Variants in EFNA2 observed in about 807,000 individuals in gnomAD.
EFNA2 encodes ephrin-A2.
In EFNA2, 18 loss-of-function variants were observed where a neutral mutation model predicts 19.7. The observed-to-expected ratio is 0.91, with a 90% CI of 0.63 to 1.35. EFNA2 has a LOEUF of 1.35. EFNA2 is among the 40% of genes most tolerant of loss of function. EFNA2 has a pLI of 0.00. For missense variants in EFNA2, 303 were observed against 296.0 expected (o/e 1.02, Z -0.17); for synonymous variants, 187 against 137.8 (o/e 1.36, Z -2.50).
At chr19:1,299,384 C>T (rs908014122) in intron 3 of EFNA2, among the ~76,000 whole-genome samples, 1 of 151,984 alleles carries the variant, frequency 6.6e-6, no homozygotes, top group Non-Finnish European at 1.5e-5. Flanking sequence ...TGGTGAAACC[C>T]CGTCTCTGCT....
chr19:1,295,663 G>GAGC lies in EFNA2; in HGVS notation c.261_263dup (p.Glu87_His88insGln). ...GCCGCTGCCGCCGGCCGAGCGCATG[G>GAGC]AGCACTACGTGCTGTACATGGTCAA... On this transcript the variant is annotated inframe_insertion, in exon 2 of 4. Coordinates refer to ENST00000215368, the MANE Select transcript of EFNA2 (RefSeq NM_001405.4). The surrounding 1 kb of genome is among the most constrained non-coding windows in gnomAD (Gnocchi z 5.8). 6.2e-7 allele frequency: 1 copy of GAGC among 1,611,710 alleles called. No individual in the cohort carries two copies. The highest frequency in any genetic ancestry group is 8.5e-7 in the Non-Finnish European group (1 of 1,179,442).
chr19:1,292,424 A>C (rs2144617418), intron 1 of EFNA2, among the ~76,000 whole-genome samples: 1 of 152,346 alleles, frequency 6.6e-6, no homozygotes, highest in Admixed American at 6.5e-5. Context: ...CTCATTATTG[A>C]GCACCACTGT....
At chr19:1,298,686 G>A (rs2081527069) in intron 3 of EFNA2, 70 bp downstream of exon 3, 2 of 1,558,074 alleles carry the variant, frequency 1.3e-6, no homozygotes, top group African/African-American at 2.7e-5. Flanking sequence ...GAACCAGTGA[G>A]TGTTCAGAAG....
At chr19:1,299,766 G>GT in intron 3 of EFNA2, 58 bp from the exon 4 acceptor site, 4 of 1,537,068 alleles carry the variant, frequency 2.6e-6, no homozygotes, top group South Asian at 1.2e-5. Flanking sequence ...CGGGCGGCAC[G>GT]TGGGGAGCCC....
At chr19:1,298,707 G>A in intron 3 of EFNA2, 91 bp downstream of exon 3, 1 of 1,417,694 alleles carries the variant, frequency 7.1e-7, no homozygotes, top group South Asian at 1.2e-5. Flanking sequence ...AGCCAGGACA[G>A]GGGGCCTCGG....
At position 1,300,114 on chromosome 19, in the gene EFNA2, A is replaced by T; in HGVS notation, c.*169A>T. On this transcript the variant is annotated 3_prime_UTR_variant, in exon 4 of 4. Transcript: ENST00000215368. ...GCAGGGGCCATCCACCCGCCCCAGGACCAGCCCTCAGGGAGGGGAAACGGC... is the reference window on the plus strand; with the variant it reads ...GCAGGGGCCATCCACCCGCCCCAGGTCCAGCCCTCAGGGAGGGGAAACGGC... 1.0e-6 allele frequency: 1 copy of T among 990,026 alleles called. No homozygotes were observed. 61.3% of individuals were successfully genotyped at this position (990,026 alleles called of 1,614,324 possible).
Position 1,297,919 on chromosome 19 carries a change from A to G in EFNA2, c.455-632A>G, listed in dbSNP as rs2081523143. Among the ~76,000 whole-genome samples the G allele has an allele frequency of 6.6e-6, 1 of 151,982 alleles. No homozygotes were observed. The highest frequency in any genetic ancestry group is 1.5e-5 in the Non-Finnish European group (1 of 67,972). On this transcript the variant is annotated intron_variant, in intron 2 of 3. Transcript: ENST00000215368. The surrounding 1 kb of genome is among the most constrained non-coding windows in gnomAD (Gnocchi z 5.0). ...AAACCCCGTTTCTACTAAAAATACA[A>G]AAATTAGCCAGGCATGGTGGCACAC... is the stretch of plus-strand genomic sequence containing the variant.
rs1283950748 is a variant in EFNA2, at chr19:1,287,415, C to T, written c.140+1107C>T. Reference sequence around the variant, plus strand: ...ACTCTTCTGCTACTGGTCACTTTCTCTCCGTTTTCCAGCCGCTTCCTGTGC... The same window carrying T: ...ACTCTTCTGCTACTGGTCACTTTCTTTCCGTTTTCCAGCCGCTTCCTGTGC... On this transcript the variant is annotated intron_variant, in intron 1 of 3. Coordinates refer to ENST00000215368, the MANE Select transcript of EFNA2 (RefSeq NM_001405.4). The surrounding 1 kb of genome is among the most constrained non-coding windows in gnomAD (Gnocchi z 6.2). Among the ~76,000 whole-genome samples, 1 of 152,184 alleles carries T rather than the reference C, an allele frequency of 6.6e-6. No individual in the cohort carries two copies. The highest frequency in any genetic ancestry group is 1.5e-5 in the Non-Finnish European group (1 of 68,018).
chr19:1,290,054 A>G (rs1278819632), intron 1 of EFNA2, among the ~76,000 whole-genome samples: 1 of 151,858 alleles, frequency 6.6e-6, no homozygotes, highest in Non-Finnish European at 1.5e-5. Context: ...AGACCTGGGC[A>G]TGACGTCAGG....
intron 1 of EFNA2, among the ~76,000 whole-genome samples, chr19:1,291,969 C>A (rs1568864389): frequency 6.6e-6 from 1 of 152,134 alleles, no homozygotes; most frequent in Admixed American, 6.5e-5. Flanking sequence ...AGAGGGAACC[C>A]GGAGGAGTAA....
At position 1,287,761 on chromosome 19, in the gene EFNA2, G is replaced by A. The variant is rs2081472898; in HGVS notation, c.140+1453G>A. Among the ~76,000 whole-genome samples, 4 of 152,376 alleles carry A rather than the reference G, an allele frequency of 2.6e-5. 1 individual carries two copies. In the South Asian group the frequency reaches 8.3e-4, roughly 32 times the overall value. On this transcript the variant is annotated intron_variant, in intron 1 of 3. Transcript: ENST00000215368. This position sits in a 1 kb window ranked among gnomAD's most constrained non-coding sequence, Gnocchi z 6.2. ...TTTGATTAAGGCTGTCGCTGGCCGT[G>A]CGGGGAGTCCAGCGGGCAGCGCTTC...
In EFNA2 at chr19:1,294,217, C is replaced by T. The variant is rs1402603475; in HGVS notation, c.141-1328C>T. ...GTGCTAATAAGCCCCTCTCAGGGCC[C>T]CCCTCGTGCCCCGCTTGGTCCAGGC... On this transcript the variant is annotated intron_variant, in intron 1 of 3. Coordinates refer to ENST00000215368, the MANE Select transcript of EFNA2 (RefSeq NM_001405.4). The surrounding 1 kb of genome is among the most constrained non-coding windows in gnomAD (Gnocchi z 5.8). Among the ~76,000 whole-genome samples the T allele has an allele frequency of 6.6e-6, 1 of 152,224 alleles. No homozygotes were observed. Among genetic ancestry groups the T allele is most frequent in the African/African-American group, 2.4e-5 (1 of 41,452 alleles).
chr19:1,289,353 G>A (rs538663432), intron 1 of EFNA2, among the ~76,000 whole-genome samples: 5 of 152,372 alleles, frequency 3.3e-5, no homozygotes, highest in South Asian at 2.1e-4. Flanking sequence ...GTGTGTGTGC[G>A]TGTCTGCGTG....
rs1309540058 is a variant in EFNA2, at chr19:1,294,960, G to A, written c.141-585G>A. Among the ~76,000 whole-genome samples, 5 of 152,108 alleles carry A rather than the reference G, an allele frequency of 3.3e-5. No homozygotes were observed. In the South Asian group the frequency reaches 8.3e-4, roughly 25 times the overall value. ...GGGAATTCTTGTGGAGGGACAGCTC[G>A]TGCAGAGGCCCGGAGTCAGGAACCC... On this transcript the variant is annotated intron_variant, in intron 1 of 3. Transcript: ENST00000215368. The surrounding 1 kb of genome is among the most constrained non-coding windows in gnomAD (Gnocchi z 5.8).
intron 2 of EFNA2, among the ~76,000 whole-genome samples, 181 bp from the exon 3 acceptor site, chr19:1,298,370 G>A (rs891250299): frequency 6.6e-6 from 1 of 152,068 alleles, no homozygotes; most frequent in Non-Finnish European, 1.5e-5. Flanking sequence ...GAATGTGCAG[G>A]AGACTGCTGG....
chr19:1,294,602 TG>T lies in EFNA2; in HGVS notation c.141-939del, dbSNP rs1456144515. On this transcript the variant is annotated intron_variant, in intron 1 of 3. Coordinates refer to ENST00000215368, the MANE Select transcript of EFNA2 (RefSeq NM_001405.4). This position sits in a 1 kb window ranked among gnomAD's most constrained non-coding sequence, Gnocchi z 5.8. ...GCAGGGTCACACAGGAAGGCAGGGG[TG>T]GGGCTGGGAGTGGAGCCCAGGATGT... Among the ~76,000 whole-genome samples the T allele has an allele frequency of 8.1e-6, 1 of 123,416 alleles. No individual in the cohort carries two copies. The highest frequency in any genetic ancestry group is 2.2e-4 in the East Asian group (1 of 4,516). The allele number at this position is 123,416 out of a possible 152,430, so 81.0% of individuals were successfully genotyped here.
In EFNA2 at chr19:1,297,179, A is replaced by T. The variant is rs1448570258; in HGVS notation, c.454+1321A>T. 6.6e-6 allele frequency among the ~76,000 whole-genome samples: 1 copy of T among 151,958 alleles called. No homozygotes were observed. The highest frequency in any genetic ancestry group is 1.5e-5 in the Non-Finnish European group (1 of 67,962). ...GGGCCTGAGGGATGGGGAGTCAGGG[A>T]TCTGGGGTCTGTGCCCCCAGGCTGC... On this transcript the variant is annotated intron_variant, in intron 2 of 3. Transcript: ENST00000215368. This position sits in a 1 kb window ranked among gnomAD's most constrained non-coding sequence, Gnocchi z 5.0.
chr19:1,289,515 G>A (rs990236259), intron 1 of EFNA2, among the ~76,000 whole-genome samples: 5 of 152,188 alleles, frequency 3.3e-5, no homozygotes, highest in Non-Finnish European at 7.4e-5. Flanking sequence ...ACCAGGGCCC[G>A]TGTGCAGACG....
Position 1,296,152 on chromosome 19 carries a change from C to T in EFNA2, c.454+294C>T, listed in dbSNP as rs1206737622. 6.6e-6 allele frequency among the ~76,000 whole-genome samples: 1 copy of T among 152,234 alleles called. No homozygotes were observed. Among genetic ancestry groups the T allele is most frequent in the Non-Finnish European group, 1.5e-5 (1 of 68,036 alleles). On this transcript the variant is annotated intron_variant, in intron 2 of 3. Coordinates refer to ENST00000215368, the MANE Select transcript of EFNA2 (RefSeq NM_001405.4). The surrounding 1 kb of genome is among the most constrained non-coding windows in gnomAD (Gnocchi z 4.4). Reference sequence around the variant, plus strand: ...TGGACGTGCCATTCTCCCAACCATCCCGGGAGGCCAGGACTTTCCTCGTCC... The same window carrying T: ...TGGACGTGCCATTCTCCCAACCATCTCGGGAGGCCAGGACTTTCCTCGTCC...
Sources: allele counts gnomAD v4.1 joint callset (sites outside exome capture counted in the v4.1 genomes callset), GRCh38; gene constraint gnomAD v4.1.1; non-coding constraint Gnocchi (gnomAD v3.1); transcripts MANE v1.5; gene names NCBI Gene and HGNC (gene_info 2026-07-23, HGNC 2026-07-21).